EEF2K: variants seen among roughly 807,000 people sequenced by gnomAD.
The protein encoded by EEF2K is eukaryotic elongation factor 2 kinase.
EEF2K carries 70 observed loss-of-function variants against 93.8 expected under a neutral mutation model. That is an observed-to-expected ratio of 0.75 (90% CI 0.62 to 0.91). EEF2K has a LOEUF of 0.91. Ranked by LOEUF, EEF2K falls within the 40% of genes least tolerant of loss-of-function variation. The probability of loss-of-function intolerance (pLI) is 0.00; values close to 1 mark genes in which losing one functional copy is unlikely to be tolerated. For synonymous variants in EEF2K, 376 were observed against 380.8 expected (o/e 0.99, Z 0.15); for missense variants, 935 against 972.9 (o/e 0.96, Z 0.52).
intron 15 of EEF2K, among the ~76,000 whole-genome samples, chr16:22,269,822 T>C (rs544886951): frequency 2.2e-4 from 34 of 152,276 alleles, no homozygotes; most frequent in African/African-American, 8.2e-4. Flanking sequence ...AAATATGAAA[T>C]AGGCTCCTAT....
chr16:22,250,559 T>G, intron 4 of EEF2K, 95 bp from the exon 5 acceptor site: 1 of 1,490,844 alleles, frequency 6.7e-7, no homozygotes, highest in Non-Finnish European at 9.3e-7. Context: ...AGGGCACCCA[T>G]TTGATAGGTG....
At chr16:22,273,853 C>T in intron 16 of EEF2K, 103 bp downstream of exon 16, 1 of 1,509,648 alleles carries the variant, frequency 6.6e-7, no homozygotes, top group East Asian at 2.3e-5. Context: ...TTGGCTGCCC[C>T]ATGACCAGTC....
At chr16:22,254,415 G>A (rs188897704) in intron 6 of EEF2K, among the ~76,000 whole-genome samples, 4 of 152,034 alleles carry the variant, frequency 2.6e-5, no homozygotes, top group Non-Finnish European at 5.9e-5. Flanking sequence ...GGACCCCTTC[G>A]GCCTCTGCAT....
chr16:22,224,139 G>C (rs1369739230), intron 1 of EEF2K, among the ~76,000 whole-genome samples: 1 of 151,942 alleles, frequency 6.6e-6, no homozygotes, highest in African/African-American at 2.4e-5. Flanking sequence ...CTCGGGAGGC[G>C]GAAGTTGCAG....
rs146984360 is a variant in EEF2K, at chr16:22,225,754, C to T, written c.25C>T (p.Arg9Cys). 122 of 1,614,012 alleles carry T rather than the reference C, an allele frequency of 7.6e-5. No homozygotes were observed. The highest frequency in any genetic ancestry group is 9.7e-5 in the Non-Finnish European group (115 of 1,180,026). Residue 9 changes from arginine (R) to cysteine (C), a missense_variant, in exon 2 of 18, where the codon CGC (arginine) becomes TGC (cysteine). Coordinates refer to ENST00000263026, the MANE Select transcript of EEF2K (RefSeq NM_013302.5). ...CATGGCAGACGAAGATCTCATCTTC[C>T]GCCTGGAAGGCGTTGATGGCGGCCA... MADEDLIF[R>C]LEGVDGGQSP...
At chr16:22,246,455 G>A (rs1206618587) in intron 3 of EEF2K, among the ~76,000 whole-genome samples, 1 of 146,796 alleles carries the variant, frequency 6.8e-6, no homozygotes, top group Non-Finnish European at 1.5e-5. Flanking sequence ...GACAGAGGTT[G>A]CAGTGAGCTG....
chr16:22,259,019 CAAA>C (rs11310612), intron 10 of EEF2K, among the ~76,000 whole-genome samples: 5 of 147,942 alleles, frequency 3.4e-5, no homozygotes, highest in African/African-American at 7.3e-5. Context: ...GTATAGAGAA[CAAA>C]AAAAAAATCT....
At chr16:22,217,873 G>A (rs562285094) in intron 1 of EEF2K, among the ~76,000 whole-genome samples, 18 of 152,224 alleles carry the variant, frequency 1.2e-4, no homozygotes, top group African/African-American at 3.6e-4. Flanking sequence ...AGAAATCTAC[G>A]CTGGGCTTGG....
chr16:22,240,402 A>C (rs1158828954), intron 2 of EEF2K, among the ~76,000 whole-genome samples: 2 of 152,110 alleles, frequency 1.3e-5, no homozygotes, highest in Non-Finnish European at 2.9e-5. Context: ...ACTTGGGATA[A>C]ATTTTTTGGC....
At chr16:22,227,973 A>T (rs2047079356) in intron 2 of EEF2K, among the ~76,000 whole-genome samples, 4 of 135,768 alleles carry the variant, frequency 2.9e-5, no homozygotes, top group Admixed American at 7.4e-5. Context: ...CAGCCATCCT[A>T]TGTAGTTACA....
intron 8 of EEF2K, 62 bp from the exon 9 acceptor site, chr16:22,257,581 C>T (rs533318524): frequency 1.3e-6 from 2 of 1,592,196 alleles, no homozygotes; most frequent in Non-Finnish European, 1.7e-6. Context: ...ATGAGGCCCA[C>T]CACTGCCTGT....
intron 1 of EEF2K, among the ~76,000 whole-genome samples, chr16:22,211,441 TTTTG>T (rs1020995665): frequency 1.4e-4 from 21 of 152,068 alleles, no homozygotes; most frequent in East Asian, 1.9e-4. Flanking sequence ...TTTTGTTTGT[TTTTG>T]TTTGTTTGTT....
rs376959541 is a variant in EEF2K at position 22,243,533 on chromosome 16, C to T, written c.247-1097C>T. 6.6e-4 allele frequency among the ~76,000 whole-genome samples: 100 copies of T among 151,584 alleles called. No homozygotes were observed. In the Middle Eastern group the frequency reaches 0.01, roughly 16 times the overall value. ...TCCCAAAATGCTGGGATTACAGGCACGAGCCACTGCACCCAGCCCAGCCTA... is the reference window on the plus strand; with the variant it reads ...TCCCAAAATGCTGGGATTACAGGCATGAGCCACTGCACCCAGCCCAGCCTA... On this transcript the variant is annotated intron_variant, in intron 2 of 17. Coordinates refer to ENST00000263026, the MANE Select transcript of EEF2K (RefSeq NM_013302.5).
intron 9 of EEF2K, 75 bp from the exon 10 acceptor site, chr16:22,258,419 A>T: frequency 6.7e-7 from 1 of 1,492,320 alleles, no homozygotes; most frequent in Non-Finnish European, 9.2e-7. Context: ...TCAGGGTTAG[A>T]GGGAACAACA....
chr16:22,226,089 T>C, intron 2 of EEF2K, 114 bp downstream of exon 2: 1 of 1,442,160 alleles, frequency 6.9e-7, no homozygotes, highest in South Asian at 1.4e-5. Flanking sequence ...GACAGTGCTC[T>C]AAACTCTGAG....
At chr16:22,210,368 AG>A (rs1385540080) in intron 1 of EEF2K, among the ~76,000 whole-genome samples, 1 of 152,188 alleles carries the variant, frequency 6.6e-6, no homozygotes, top group Non-Finnish European at 1.5e-5. Context: ...CTCTAACTTC[AG>A]TGCACATCAG....
chr16:22,266,590 C>T (rs958946885), intron 14 of EEF2K, 66 bp downstream of exon 14: 1 of 1,600,796 alleles, frequency 6.2e-7, no homozygotes, highest in Non-Finnish European at 8.5e-7. Flanking sequence ...TCCAGCCTCT[C>T]CTCCGCTAAT....
Position 22,284,269 on chromosome 16 carries a change from GTT to G in EEF2K, c.*280_*281del. 1 of 377,038 alleles carries G rather than the reference GTT, an allele frequency of 2.7e-6. No homozygotes were observed. Among genetic ancestry groups the G allele is most frequent in the Non-Finnish European group, 4.9e-6 (1 of 204,232 alleles). 23.4% of individuals were successfully genotyped at this position (377,038 alleles called of 1,614,324 possible). A position where few individuals can be genotyped will look rare whatever the true frequency, so the allele number is the denominator to read the frequency against. The stretch of plus-strand genomic sequence containing the variant: ...GAACCAACATACCGTTTTGTGTGTG[GTT>G]TTTTTTGTTTGTTTGTTTGTTTGTT... On this transcript the variant is annotated 3_prime_UTR_variant, in exon 18 of 18. Coordinates refer to ENST00000263026, the MANE Select transcript of EEF2K (RefSeq NM_013302.5).
Position 22,284,171 on chromosome 16 carries a change from T to C in EEF2K, c.*175T>C, listed in dbSNP as rs1221207921. On this transcript the variant is annotated 3_prime_UTR_variant, in exon 18 of 18. Transcript: ENST00000263026. ...AAAAATGTCTTTGCTCCTTGGCAGCTACCAGCAGAGACTCTATAGCTGTCT... is the reference window on the plus strand; with the variant it reads ...AAAAATGTCTTTGCTCCTTGGCAGCCACCAGCAGAGACTCTATAGCTGTCT... 1.9e-5 allele frequency: 12 copies of C among 643,634 alleles called. No homozygotes were observed. The highest frequency in any genetic ancestry group is 2.7e-5 in the Non-Finnish European group (10 of 371,410). 39.9% of individuals were successfully genotyped at this position (643,634 alleles called of 1,614,324 possible).
Sources: gnomAD v4.1 joint callset for allele counts (sites outside exome capture counted in the v4.1 genomes callset) on GRCh38, gnomAD v4.1.1 for gene constraint, MANE v1.5 for transcripts, NCBI Gene and HGNC (gene_info 2026-07-23, HGNC 2026-07-21) for gene names.